SH2D4B: variants seen among roughly 807,000 people sequenced by gnomAD.
The protein encoded by SH2D4B is SH2 domain-containing protein 4B.
A neutral mutation model predicts 61.5 loss-of-function variants in SH2D4B; 45 were observed. The observed-to-expected ratio is 0.73, with a 90% CI of 0.58 to 0.94. The LOEUF (loss-of-function observed/expected upper bound fraction) is 0.94. SH2D4B is among the 40% of genes least tolerant of loss of function. The pLI is 0.00. For missense variants in SH2D4B, 572 were observed against 574.2 expected, an observed-to-expected ratio of 1.00 and a Z score of 0.04; for synonymous variants, 224 against 220.4, an observed-to-expected ratio of 1.02 and a Z score of -0.14.
chr10:80,621,610 TGTC>T (rs1447677819), intron 6 of SH2D4B, among the ~76,000 whole-genome samples: 2 of 152,202 alleles, frequency 1.3e-5, no homozygotes, highest in East Asian at 3.8e-4. Context: ...CTTCGTCAAA[TGTC>T]GTCTGGGTAT....
At chr10:80,551,911 C>T (rs1441619981) in intron 1 of SH2D4B, among the ~76,000 whole-genome samples, 4 of 152,324 alleles carry the variant, frequency 2.6e-5, no homozygotes, top group Admixed American at 2.6e-4. Context: ...TGTCTGAGGT[C>T]AGGGAGCCAG....
intron 5 of SH2D4B, among the ~76,000 whole-genome samples, chr10:80,605,400 T>C (rs951450646): frequency 7.9e-5 from 12 of 152,284 alleles, no homozygotes; most frequent in African/African-American, 2.2e-4. Flanking sequence ...GGGAAGAGGA[T>C]TCTTTTGTCT....
intron 7 of SH2D4B, among the ~76,000 whole-genome samples, chr10:80,635,148 T>C (rs1478083485): frequency 2.0e-5 from 3 of 152,240 alleles, no homozygotes; most frequent in Non-Finnish European, 4.4e-5. Flanking sequence ...GAAGTGCTTA[T>C]GGAAAGTCTT....
intron 3 of SH2D4B, among the ~76,000 whole-genome samples, chr10:80,579,163 C>T (rs1842159834): frequency 6.6e-6 from 1 of 152,028 alleles, no homozygotes; most frequent in African/African-American, 2.4e-5. Flanking sequence ...ATGGGCTGGG[C>T]TCACTTTCTG....
chr10:80,620,999 T>A (rs953336981), intron 6 of SH2D4B, among the ~76,000 whole-genome samples: 3 of 152,262 alleles, frequency 2.0e-5, no homozygotes, highest in African/African-American at 7.2e-5. Flanking sequence ...AATTTTTAAA[T>A]AAACTCTTAT....
At chr10:80,542,398 C>T (rs199906547) in intron 1 of SH2D4B, among the ~76,000 whole-genome samples, 6 of 119,378 alleles carry the variant, frequency 5.0e-5, no homozygotes, top group African/African-American at 1.2e-4. Flanking sequence ...TCAGTTCTAT[C>T]TTTTTTTTTT....
At chr10:80,586,114 G>A (rs1842243614) in intron 3 of SH2D4B, among the ~76,000 whole-genome samples, 1 of 152,198 alleles carries the variant, frequency 6.6e-6, no homozygotes, top group African/African-American at 2.4e-5. Context: ...CCTCCCCGTG[G>A]GGCAGGGCTC....
At chr10:80,620,906 A>C (rs1325221328) in intron 6 of SH2D4B, among the ~76,000 whole-genome samples, 2 of 152,218 alleles carry the variant, frequency 1.3e-5, no homozygotes, top group Admixed American at 1.3e-4. Context: ...AGTTCCAGAC[A>C]CTATTCTAGA....
At chr10:80,555,847 TGGGTTTAAGAACAGGC>T (rs556457351) in intron 1 of SH2D4B, among the ~76,000 whole-genome samples, 51 of 152,098 alleles carry the variant, frequency 3.4e-4, no homozygotes, top group African/African-American at 8.4e-4. Flanking sequence ...TAAGAACAGG[TGGGTTTAAGAACAGGC>T]GTGTTCGTGC....
intron 4 of SH2D4B, among the ~76,000 whole-genome samples, chr10:80,594,656 C>T (rs1257607023): frequency 6.6e-6 from 1 of 152,186 alleles, no homozygotes; most frequent in Non-Finnish European, 1.5e-5. Flanking sequence ...AATTTAGTCT[C>T]TTCACTTGTT....
At position 80,603,705 on chromosome 10, in the gene SH2D4B, G is replaced by A. The variant is rs754483761; in HGVS notation, c.770G>A (p.Arg257Gln). ...GTCGCTGGCCTCAGCTCCATGTTCC[G>A]GGAGCTTGGCCAGAGCCATGAGCAG... is the stretch of plus-strand genomic sequence containing the variant. ...GTVAGLSSMF[R>Q]ELGQSHEQEA... Residue 257 changes from arginine to glutamine, a missense_variant, in exon 5 of 8, where the codon CGG becomes CAG. Coordinates refer to ENST00000646907, the MANE Select transcript of SH2D4B (RefSeq NM_001388272.1). The A allele has an allele frequency of 5.1e-5, 83 of 1,613,364 alleles. No homozygotes were observed. The highest frequency in any genetic ancestry group is 1.7e-4 in the African/African-American group (13 of 74,936).
intron 4 of SH2D4B, among the ~76,000 whole-genome samples, chr10:80,593,587 G>A (rs866562001): frequency 6.6e-6 from 1 of 152,110 alleles, no homozygotes; most frequent in African/African-American, 2.4e-5. Context: ...TAGCTGGAAT[G>A]TATCTTTTTG....
chr10:80,612,179 C>T (rs1359243400), intron 6 of SH2D4B, among the ~76,000 whole-genome samples: 1 of 75,312 alleles, frequency 1.3e-5, no homozygotes, highest in African/African-American at 6.8e-5. Context: ...TCCCCCACTC[C>T]TGCTTTTTTT....
intron 4 of SH2D4B, among the ~76,000 whole-genome samples, chr10:80,596,460 A>C (rs1241461806): frequency 2.0e-5 from 3 of 152,188 alleles, no homozygotes; most frequent in Admixed American, 2.0e-4. Context: ...CTCAATAGGG[A>C]GGTCGGGGCA....
chr10:80,615,476 C>T (rs968499058), intron 6 of SH2D4B, among the ~76,000 whole-genome samples: 2 of 152,204 alleles, frequency 1.3e-5, no homozygotes, highest in Non-Finnish European at 2.9e-5. Flanking sequence ...ACTGTATATT[C>T]GGAGAACTTC....
chr10:80,569,484 A>G (rs1842011471), intron 1 of SH2D4B, among the ~76,000 whole-genome samples: 3 of 147,200 alleles, frequency 2.0e-5, no homozygotes, highest in Admixed American at 1.4e-4. Flanking sequence ...CTAGTGTCCT[A>G]AAGAACCTCC....
At chr10:80,545,846 A>G (rs1841670941) in intron 1 of SH2D4B, among the ~76,000 whole-genome samples, 1 of 152,174 alleles carries the variant, frequency 6.6e-6, no homozygotes, top group African/African-American at 2.4e-5. Flanking sequence ...CTACACATCA[A>G]AAATCCTCAC....
chr10:80,541,555 G>C (rs1841579337), intron 1 of SH2D4B, among the ~76,000 whole-genome samples: 1 of 152,146 alleles, frequency 6.6e-6, no homozygotes, highest in Non-Finnish European at 1.5e-5. Context: ...CCTCCTCCGG[G>C]CCATCGTCCC....
chr10:80,628,410 T>C (rs1237393085), intron 6 of SH2D4B, among the ~76,000 whole-genome samples: 1 of 152,208 alleles, frequency 6.6e-6, no homozygotes, highest in Non-Finnish European at 1.5e-5. Flanking sequence ...AGATGTGAGT[T>C]GTTCCTCCTT....
Sources: allele counts gnomAD v4.1 joint callset (sites outside exome capture counted in the v4.1 genomes callset), GRCh38; gene constraint gnomAD v4.1.1; transcripts MANE v1.5; gene names NCBI Gene and HGNC (gene_info 2026-07-23, HGNC 2026-07-21).